Variants in NKAIN2 observed in about 807,000 individuals in gnomAD.
NKAIN2 encodes sodium/potassium-transporting ATPase subunit beta-1-interacting protein 2.
A neutral mutation model predicts 32.6 loss-of-function variants in NKAIN2; 14 were observed. The observed-to-expected ratio is 0.43, with a 90% confidence interval of 0.28 to 0.67. NKAIN2 has a LOEUF of 0.67. Among genes scored for constraint, NKAIN2 ranks in the 30% least tolerant of loss-of-function variants. The pLI, the probability that NKAIN2 is intolerant of heterozygous loss-of-function variation, is 0.17. For missense variants in NKAIN2, 198 were observed against 258.3 expected (o/e 0.77, Z 1.60); for synonymous variants, 80 against 87.2 (o/e 0.92, Z 0.46).
intron 1 of NKAIN2, among the ~76,000 whole-genome samples, chr6:124,187,672 C>T (rs780242482): frequency 8.6e-5 from 13 of 152,002 alleles, no homozygotes; most frequent in East Asian, 7.7e-4. Flanking sequence ...CTCTGTCTAC[C>T]GTCCATTGCC....
At chr6:124,708,586 T>G (rs1453388491) in intron 4 of NKAIN2, among the ~76,000 whole-genome samples, 1 of 151,290 alleles carries the variant, frequency 6.6e-6, no homozygotes, top group African/African-American at 2.4e-5. Context: ...TCCTAGGTAT[T>G]TTATTCTCTT....
chr6:124,513,793 ATGT>A (rs1051767302), intron 3 of NKAIN2, among the ~76,000 whole-genome samples: 10 of 152,168 alleles, frequency 6.6e-5, no homozygotes, highest in Non-Finnish European at 1.5e-4. Flanking sequence ...ATAAAAATAG[ATGT>A]TGTTTTAAGC....
At chr6:124,362,815 T>G (rs1980603) in intron 3 of NKAIN2, among the ~76,000 whole-genome samples, 1,599 of 152,202 alleles carry the variant, frequency 0.011, 13 homozygotes, top group South Asian at 0.032. Flanking sequence ...AAAAAATGAA[T>G]AAAAAAGGAA....
At chr6:124,694,563 C>T (rs934729726) in intron 4 of NKAIN2, among the ~76,000 whole-genome samples, 1 of 152,190 alleles carries the variant, frequency 6.6e-6, no homozygotes, top group Non-Finnish European at 1.5e-5. Context: ...AGCCTCTGTG[C>T]TGGAAACAGA....
intron 4 of NKAIN2, among the ~76,000 whole-genome samples, chr6:124,675,821 A>T (rs1168394201): frequency 6.7e-6 from 1 of 150,256 alleles, no homozygotes; most frequent in Non-Finnish European, 1.5e-5. Context: ...ATTTTTTTCC[A>T]TTCTCTATCT....
At chr6:124,726,022 C>T (rs953205937) in intron 4 of NKAIN2, among the ~76,000 whole-genome samples, 6 of 152,192 alleles carry the variant, frequency 3.9e-5, no homozygotes, top group African/African-American at 1.2e-4. Context: ...CGGCACACCA[C>T]CAGATTATAT....
intron 1 of NKAIN2, among the ~76,000 whole-genome samples, chr6:124,181,482 G>T (rs1789444183): frequency 1.3e-5 from 2 of 152,074 alleles, no homozygotes; most frequent in Non-Finnish European, 2.9e-5. Flanking sequence ...CAAATTTTCT[G>T]AACTTTTATG....
intron 3 of NKAIN2, among the ~76,000 whole-genome samples, chr6:124,605,920 G>T (rs1046843456): frequency 1.3e-5 from 2 of 151,970 alleles, no homozygotes; most frequent in African/African-American, 2.4e-5. Flanking sequence ...AGCAGAGAGC[G>T]CAAGGCCACC....
intron 3 of NKAIN2, among the ~76,000 whole-genome samples, chr6:124,488,179 A>G (rs1451733524): frequency 6.6e-6 from 1 of 152,062 alleles, no homozygotes; most frequent in Non-Finnish European, 1.5e-5. Flanking sequence ...ATTTAGAATA[A>G]TAATAAGACA....
chr6:123,901,568 A>G (rs1233179767), intron 1 of NKAIN2, among the ~76,000 whole-genome samples: 2 of 152,160 alleles, frequency 1.3e-5, no homozygotes, highest in African/African-American at 2.4e-5. Flanking sequence ...AAATGAAACA[A>G]TGTTTCCTTA....
chr6:124,253,651 C>T lies in NKAIN2; in HGVS notation c.55-29354C>T, dbSNP rs1793787564. Among the ~76,000 whole-genome samples the T allele has an allele frequency of 1.3e-5, 2 of 152,034 alleles. 1 individual carries two copies. Among genetic ancestry groups the T allele is most frequent in the South Asian group, 4.1e-4 (2 of 4,820 alleles). On this transcript the variant is annotated intron_variant, in intron 1 of 6. Coordinates refer to ENST00000368417, the MANE Select transcript of NKAIN2 (RefSeq NM_001040214.3). ...AAATCAAAAGTAAACCCTCCCTAAA[C>T]CCTGATAGCATTCATTATAAAATTT...
chr6:124,681,053 A>C lies in NKAIN2; in HGVS notation c.474+22667A>C, dbSNP rs537833736. Among the ~76,000 whole-genome samples, 317 of 152,070 alleles carry C rather than the reference A, an allele frequency of 2.1e-3. 1 individual carries two copies. Among genetic ancestry groups the C allele is most frequent in the African/African-American group, 7.4e-3 (307 of 41,516 alleles). On this transcript the variant is annotated intron_variant, in intron 4 of 6. Transcript: ENST00000368417. ...GATGCAAAAACTGAGAACAGTCCAT[A>C]GAGATTATTTAGTATAATTTCTTTG...
At chr6:124,710,760 C>A (rs1346554030) in intron 4 of NKAIN2, among the ~76,000 whole-genome samples, 18 of 147,084 alleles carry the variant, frequency 1.2e-4, no homozygotes, top group East Asian at 2.0e-4. Flanking sequence ...ATACAGCACA[C>A]TGATGGGTCT....
intron 3 of NKAIN2, among the ~76,000 whole-genome samples, chr6:124,472,602 G>A (rs116855797): frequency 0.017 from 2,609 of 151,976 alleles, 35 homozygotes; most frequent in Non-Finnish European, 0.026. Context: ...GAATGGGTTC[G>A]AGCATCGTGA....
chr6:123,877,359 G>A (rs541307163), intron 1 of NKAIN2, among the ~76,000 whole-genome samples: 4 of 152,190 alleles, frequency 2.6e-5, no homozygotes, highest in African/African-American at 9.6e-5. Context: ...TATTATTGGG[G>A]TATTCCTTAC....
At chr6:124,363,847 CA>C (rs1350783469) in intron 3 of NKAIN2, among the ~76,000 whole-genome samples, 1 of 151,694 alleles carries the variant, frequency 6.6e-6, no homozygotes, top group East Asian at 1.9e-4. Context: ...TGACATCAGG[CA>C]ATTGAAAATT....
intron 1 of NKAIN2, among the ~76,000 whole-genome samples, chr6:124,252,089 C>T (rs780199744): frequency 7.9e-5 from 12 of 152,016 alleles, no homozygotes; most frequent in East Asian, 1.9e-4. Flanking sequence ...ATACATATAA[C>T]GGTAACATTT....
chr6:124,530,679 A>G (rs1430711938), intron 3 of NKAIN2, among the ~76,000 whole-genome samples: 1 of 152,162 alleles, frequency 6.6e-6, no homozygotes, highest in African/African-American at 2.4e-5. Context: ...AGAAAATCTG[A>G]TAGGTGTAAT....
chr6:123,892,849 T>C (rs1252480162), intron 1 of NKAIN2, among the ~76,000 whole-genome samples: 1 of 151,714 alleles, frequency 6.6e-6, no homozygotes, highest in Non-Finnish European at 1.5e-5. Flanking sequence ...GGCACTGTCC[T>C]AAGGGTGAAG....
Sources: allele counts gnomAD v4.1 joint callset (sites outside exome capture counted in the v4.1 genomes callset), GRCh38; gene constraint gnomAD v4.1.1; transcripts MANE v1.5; gene names NCBI Gene and HGNC (gene_info 2026-07-23, HGNC 2026-07-21).